ABCA13: variants seen among roughly 807,000 people sequenced by gnomAD.
The protein encoded by ABCA13 is ATP binding cassette subfamily A member 13.
A neutral mutation model predicts 478.7 loss-of-function variants in ABCA13; 476 were observed. That is an observed-to-expected ratio of 0.99 (90% CI 0.92 to 1.07). The LOEUF is 1.07. Ranked by LOEUF, ABCA13 falls within the 50% of genes least tolerant of loss-of-function variation. ABCA13 has a pLI of 0.00. For missense variants in ABCA13, 6,060 were observed against 5,910.6 expected (o/e 1.03, Z -0.83); for synonymous variants, 2,252 against 2,158.9 (o/e 1.04, Z -1.20).
intron 29 of ABCA13, among the ~76,000 whole-genome samples, chr7:48,348,569 G>A (rs1808458447): frequency 6.6e-6 from 1 of 152,134 alleles, no homozygotes; most frequent in Non-Finnish European, 1.5e-5. Flanking sequence ...ACTTAACCAG[G>A]CCCTTCAGGC....
chr7:48,246,600 C>CT (rs10712726), intron 13 of ABCA13, among the ~76,000 whole-genome samples: 33 of 151,418 alleles, frequency 2.2e-4, no homozygotes, highest in Admixed American at 6.6e-4. Flanking sequence ...TCAGTATTAC[C>CT]TTTTTTTTTT....
In ABCA13 at chr7:48,279,019, T is replaced by C. The variant is rs1156699528; in HGVS notation, c.7825T>C (p.Ser2609Pro). ...AATGATTGGGGTAGAACCTTATATA[T>C]CATCAAACTCTGATATTTTCAGTAT... ...FEMIGVEPYI[S>P]SNSDIFSMSP... The change falls in exon 18 of 62, where the codon TCA (serine) becomes CCA (proline). Residue 2609 changes from serine to proline, a missense_variant. Around this residue, in one of 3 missense-constraint regions of ABCA13, gnomAD observed 4,423 missense variants for 4,309.1 expected, o/e 1.03. Coordinates refer to ENST00000435803, the MANE Select transcript of ABCA13 (RefSeq NM_152701.5). The C allele has an allele frequency of 1.2e-6, 2 of 1,613,226 alleles. No homozygotes were observed. The highest frequency in any genetic ancestry group is 3.3e-5 in the Admixed American group (2 of 60,000).
intron 27 of ABCA13, 93 bp downstream of exon 27, chr7:48,317,389 T>TCTACATAATCCAAGGC: frequency 7.3e-7 from 1 of 1,361,436 alleles, no homozygotes; most frequent in Non-Finnish European, 9.9e-7. Flanking sequence ...TTATGCGCCT[T>TCTACATAATCCAAGGC]GGATTATGTA....
rs1240938686 is a variant in ABCA13, at chr7:48,273,531, A to G, written c.3865A>G (p.Ile1289Val). The G allele has an allele frequency of 1.3e-6, 2 of 1,585,368 alleles. No homozygotes were observed. Among genetic ancestry groups the G allele is most frequent in the Non-Finnish European group, 8.6e-7 (1 of 1,163,878 alleles). Residue 1289 changes from isoleucine to valine, a missense_variant, in exon 17 of 62, where the codon ATT (isoleucine) becomes GTT (valine). Around this residue, in one of 3 missense-constraint regions of ABCA13, gnomAD observed 4,423 missense variants for 4,309.1 expected, o/e 1.03. Transcript: ENST00000435803. ...EFLNSLLEVF[I>V]EFSSTSEYIV... ...TTTAAATTCTCTGCTTGAAGTTTTC[A>G]TTGAGTTTAGCAGTACCTCAGAATA...
chr7:48,487,283 C>T (rs927460264), intron 47 of ABCA13, among the ~76,000 whole-genome samples: 18 of 150,560 alleles, frequency 1.2e-4, no homozygotes, highest in African/African-American at 4.2e-4. Context: ...GCATTCCAGC[C>T]TGGGCAACGA....
chr7:48,412,234 A>G, intron 40 of ABCA13, 119 bp from the exon 41 acceptor site: 1 of 736,834 alleles, frequency 1.4e-6, no homozygotes, highest in Non-Finnish European at 2.2e-6. Flanking sequence ...GTGATATTTC[A>G]TTTAAGCTTT....
intron 55 of ABCA13, among the ~76,000 whole-genome samples, chr7:48,563,685 A>G (rs1278465983): frequency 6.6e-6 from 1 of 152,112 alleles, no homozygotes; most frequent in Non-Finnish European, 1.5e-5. Context: ...TCAGGCCTGA[A>G]AAGTTGCATA....
intron 45 of ABCA13, among the ~76,000 whole-genome samples, chr7:48,480,495 ATC>A (rs1344167241): frequency 6.6e-6 from 1 of 152,208 alleles, no homozygotes; most frequent in Admixed American, 6.5e-5. Context: ...GGCAGAGCAC[ATC>A]ATTGCGCAGC....
chr7:48,410,739 A>G (rs1450476129), intron 40 of ABCA13, 62 bp downstream of exon 40: 4 of 1,562,062 alleles, frequency 2.6e-6, no homozygotes. Context: ...ATAAGAAACA[A>G]GTGGTGACAG....
chr7:48,424,300 G>A (rs1010239827), intron 41 of ABCA13, among the ~76,000 whole-genome samples: 14 of 152,236 alleles, frequency 9.2e-5, no homozygotes, highest in South Asian at 6.2e-4. Context: ...GAGAGTTTAC[G>A]TTTCTTTATT....
intron 3 of ABCA13, among the ~76,000 whole-genome samples, chr7:48,202,339 A>G (rs1798887078): frequency 6.6e-6 from 1 of 152,138 alleles, no homozygotes; most frequent in African/African-American, 2.4e-5. Context: ...CCATCAGATT[A>G]GTTAGATACA....
At chr7:48,494,064 G>A (rs756188571) in intron 48 of ABCA13, among the ~76,000 whole-genome samples, 29 of 152,106 alleles carry the variant, frequency 1.9e-4, no homozygotes, top group Non-Finnish European at 2.8e-4. Context: ...ACAAGAAAGA[G>A]CTCTTGACTT....
chr7:48,362,678 G>A (rs73099311), intron 31 of ABCA13, among the ~76,000 whole-genome samples: 20,794 of 150,552 alleles, frequency 0.14, 1,596 homozygotes, highest in East Asian at 0.31. Context: ...TTATTGTAGT[G>A]GTTACCTTAT....
intron 43 of ABCA13, among the ~76,000 whole-genome samples, chr7:48,461,422 T>C (rs563904341): frequency 2.7e-4 from 41 of 152,350 alleles, no homozygotes; most frequent in Admixed American, 7.8e-4. Flanking sequence ...AGAAGCTGCT[T>C]TCTCAATGTA....
rs1034182651 is a variant in ABCA13, at chr7:48,508,103, G to A, written c.13524+54G>A. On this transcript the variant is annotated intron_variant, in intron 50 of 61. Coordinates refer to ENST00000435803, the MANE Select transcript of ABCA13 (RefSeq NM_152701.5). Reference sequence around the variant, plus strand: ...CCTCCACAATAGTGATCTAAATAGTGCGTGTATGGAGGGATGGAGGGGGGC... The same window carrying A: ...CCTCCACAATAGTGATCTAAATAGTACGTGTATGGAGGGATGGAGGGGGGC... 9 of 1,610,340 alleles carry A rather than the reference G, an allele frequency of 5.6e-6. No homozygotes were observed. In the African/African-American group the frequency reaches 6.7e-5, roughly 12 times the overall value.
chr7:48,594,772 G>A lies in ABCA13; in HGVS notation c.14703G>A (p.Lys4901=), dbSNP rs761736829. 6.2e-7 allele frequency: 1 copy of A among 1,613,992 alleles called. No individual in the cohort carries two copies. Among genetic ancestry groups the A allele is most frequent in the Admixed American group, 1.7e-5 (1 of 60,024 alleles). The change falls in exon 58 of 62, where the codon AAG becomes AAA. Residue 4901 remains lysine, a synonymous_variant. Coordinates refer to ENST00000435803, the MANE Select transcript of ABCA13 (RefSeq NM_152701.5). ...SKRYLWQTIM[K]EVREGCAAVL... ...GGTACCTGTGGCAAACAATAATGAA[G>A]GAGGTTCGGGAAGGCTGTGCTGCGG...
At chr7:48,315,959 T>C (rs1802523865) in intron 26 of ABCA13, among the ~76,000 whole-genome samples, 1 of 152,232 alleles carries the variant, frequency 6.6e-6, no homozygotes, top group South Asian at 2.1e-4. Flanking sequence ...AATATTTTCA[T>C]TTTATTCTTA....
Position 48,387,114 on chromosome 7 carries a change from A to G in ABCA13, c.11336-708A>G, listed in dbSNP as rs572889123. ...TCTTCTGCTTGATGATCAAAGTGCT[A>G]TAATAGTCTTTATATCAGCCTTTTT... On this transcript the variant is annotated intron_variant, in intron 35 of 61. Transcript: ENST00000435803. 3.9e-5 allele frequency among the ~76,000 whole-genome samples: 6 copies of G among 152,164 alleles called. No individual in the cohort carries two copies. The South Asian group carries it at 1.2e-3, about 32-fold the overall frequency.
At chr7:48,300,246 T>G (rs1376561756) in intron 23 of ABCA13, among the ~76,000 whole-genome samples, 1 of 152,248 alleles carries the variant, frequency 6.6e-6, no homozygotes, top group Non-Finnish European at 1.5e-5. Context: ...GTTGGTGGCA[T>G]GCAGGGAATA....
Sources: gnomAD v4.1 joint callset for allele counts (sites outside exome capture counted in the v4.1 genomes callset) on GRCh38, gnomAD v4.1.1 for gene constraint, gnomAD v4.1.1 regional missense constraint, MANE v1.5 for transcripts, NCBI Gene and HGNC (gene_info 2026-07-23, HGNC 2026-07-21) for gene names.